RBFOX1: variants seen among roughly 807,000 people sequenced by gnomAD.
The protein encoded by RBFOX1 is RNA binding fox-1 homolog 1.
RBFOX1 carries 8 observed loss-of-function variants against 57.7 expected under a neutral mutation model. The ratio of observed to expected loss-of-function variants is 0.14; its 90% confidence interval spans 0.08 to 0.25. RBFOX1 has a LOEUF of 0.25. Among genes scored for constraint, RBFOX1 ranks in the 10% least tolerant of loss-of-function variants. The probability of loss-of-function intolerance (pLI) is 1.00; values close to 1 mark genes in which losing one functional copy is unlikely to be tolerated. For synonymous variants in RBFOX1, 326 were observed against 222.4 expected (o/e 1.47, Z -4.15); for missense variants, 611 against 548.5 (o/e 1.11, Z -1.14).
chr16:5,579,206 C>G (rs1272194362), intron 2 of RBFOX1, among the ~76,000 whole-genome samples: 1 of 152,102 alleles, frequency 6.6e-6, no homozygotes, highest in Non-Finnish European at 1.5e-5. Context: ...ACCCAACTTG[C>G]ACTTCCACTA....
rs1050272878 is a variant in RBFOX1, at chr16:7,304,545, G to A, written c.28-213602G>A. 3.7e-5 allele frequency: 36 copies of A among 985,332 alleles called. No individual in the cohort carries two copies. The Admixed American group carries it at 6.1e-4, about 17-fold the overall frequency. The allele number at this position is 985,332 out of a possible 1,614,324, so 61.0% of individuals were successfully genotyped here. The stretch of plus-strand genomic sequence containing the variant: ...CTGGGGCTGGGCCAGATGGGTCCCC[G>A]CGCGTACTGGGCTGCGCTTCGGTGC... On this transcript the variant is annotated intron_variant, in intron 4 of 15. Transcript: ENST00000550418.
Position 5,374,238 on chromosome 16 carries a change from C to T in RBFOX1, c.220-92978C>T, listed in dbSNP as rs554823699. Among the ~76,000 whole-genome samples the T allele has an allele frequency of 5.0e-4, 76 of 152,276 alleles. 1 individual carries two copies. The highest frequency in any genetic ancestry group is 1.8e-3 in the African/African-American group (73 of 41,542). ...CAGGCGTGAGCCATTGCACCTGGCT[C>T]GTCAGTTTCAGGTAGTTATTTATAG... On this transcript the variant is annotated intron_variant, in intron 1 of 2. Coordinates refer to the RBFOX1 transcript ENST00000585867.
intron 3 of RBFOX1, among the ~76,000 whole-genome samples, chr16:5,687,660 G>A (rs1374754886): frequency 6.6e-6 from 1 of 152,120 alleles, no homozygotes; most frequent in African/African-American, 2.4e-5. Flanking sequence ...TAGGGTGACC[G>A]ACCATTCCAG....
chr16:5,718,242 C>T (rs1160634513), intron 3 of RBFOX1, among the ~76,000 whole-genome samples: 5 of 152,192 alleles, frequency 3.3e-5, no homozygotes, highest in Non-Finnish European at 4.4e-5. Context: ...AAATCAAGTA[C>T]ATTTATTAAG....
intron 3 of RBFOX1, among the ~76,000 whole-genome samples, chr16:6,719,461 G>T (rs1239585600): frequency 2.7e-5 from 4 of 147,418 alleles, no homozygotes; most frequent in African/African-American, 7.5e-5. Context: ...TTTTTTTTGA[G>T]ACAGAGTCTT....
At chr16:6,305,566 C>G (rs1389955228) in intron 1 of RBFOX1, among the ~76,000 whole-genome samples, 2 of 151,514 alleles carry the variant, frequency 1.3e-5, no homozygotes, top group East Asian at 3.9e-4. Flanking sequence ...ACCTGTGTCT[C>G]AAGGCCCTCT....
At chr16:6,504,450 A>G (rs1476586537) in intron 2 of RBFOX1, among the ~76,000 whole-genome samples, 1 of 152,194 alleles carries the variant, frequency 6.6e-6, no homozygotes, top group African/African-American at 2.4e-5. Context: ...TGCACAGAGT[A>G]CCGGGGTAGT....
intron 4 of RBFOX1, among the ~76,000 whole-genome samples, chr16:7,260,420 C>T (rs1471145097): frequency 1.3e-5 from 2 of 152,130 alleles, no homozygotes; most frequent in Non-Finnish European, 2.9e-5. Context: ...AACCAAAGAT[C>T]ACCCACAAAG....
intron 1 of RBFOX1, among the ~76,000 whole-genome samples, chr16:5,414,008 G>A (rs1291588870): frequency 6.6e-6 from 1 of 152,238 alleles, no homozygotes; most frequent in Admixed American, 6.5e-5. Context: ...CTGGAAAGGT[G>A]TGAGTCATTT....
chr16:6,082,626 G>A (rs1252593571), intron 1 of RBFOX1, among the ~76,000 whole-genome samples: 1 of 151,914 alleles, frequency 6.6e-6, no homozygotes, highest in Non-Finnish European at 1.5e-5. Flanking sequence ...ACATGCCTGT[G>A]CCTAAACCAA....
intron 1 of RBFOX1, among the ~76,000 whole-genome samples, chr16:5,457,369 AGGTGATCCATCTGCCTC>A (rs2068661993): frequency 6.6e-6 from 1 of 152,160 alleles, no homozygotes; most frequent in African/African-American, 2.4e-5. Flanking sequence ...TTCTGACCTC[AGGTGATCCATCTGCCTC>A]GGCCTGTCAA....
intron 2 of RBFOX1, among the ~76,000 whole-genome samples, chr16:6,515,905 G>A (rs889665370): frequency 6.6e-6 from 1 of 151,958 alleles, no homozygotes; most frequent in African/African-American, 2.4e-5. Context: ...AATTTTCCTT[G>A]ACTCTCCTAG....
At chr16:6,858,037 C>A (rs972384736) in intron 3 of RBFOX1, among the ~76,000 whole-genome samples, 1 of 152,202 alleles carries the variant, frequency 6.6e-6, no homozygotes, top group Non-Finnish European at 1.5e-5. Flanking sequence ...CTTCTACTCA[C>A]AAATGTTCAT....
chr16:6,841,324 G>C (rs529187984), intron 3 of RBFOX1, among the ~76,000 whole-genome samples: 3 of 152,258 alleles, frequency 2.0e-5, no homozygotes, highest in African/African-American at 7.2e-5. Flanking sequence ...TGTGGTTTTA[G>C]ACAGCAAACA....
intron 3 of RBFOX1, among the ~76,000 whole-genome samples, chr16:5,836,536 C>G (rs1279127219): frequency 6.6e-6 from 1 of 152,238 alleles, no homozygotes; most frequent in African/African-American, 2.4e-5. Context: ...CTCTGCCCTT[C>G]ACGTCCACTT....
intron 2 of RBFOX1, among the ~76,000 whole-genome samples, chr16:6,469,588 G>A (rs2095128809): frequency 6.6e-6 from 1 of 152,216 alleles, no homozygotes; most frequent in South Asian, 2.1e-4. Context: ...ACAAATGCAT[G>A]TTCACATCTC....
At chr16:6,777,584 G>A (rs1489857561) in intron 3 of RBFOX1, among the ~76,000 whole-genome samples, 1 of 152,074 alleles carries the variant, frequency 6.6e-6, no homozygotes, top group Admixed American at 6.6e-5. Context: ...TCAGATTAGG[G>A]GGGAAAGAAA....
At chr16:7,098,423 G>A (rs1001637986) in intron 4 of RBFOX1, among the ~76,000 whole-genome samples, 1 of 152,150 alleles carries the variant, frequency 6.6e-6, no homozygotes, top group Non-Finnish European at 1.5e-5. Context: ...ACCTGCCTAG[G>A]CCTCCCAAAG....
At chr16:7,265,597 C>T (rs1194370011) in intron 4 of RBFOX1, among the ~76,000 whole-genome samples, 3 of 151,974 alleles carry the variant, frequency 2.0e-5, no homozygotes, top group Non-Finnish European at 4.4e-5. Flanking sequence ...TACAGGCACC[C>T]ACCACCACGC....
Sources: gnomAD v4.1 joint callset for allele counts (sites outside exome capture counted in the v4.1 genomes callset) on GRCh38, gnomAD v4.1.1 for gene constraint, MANE v1.5 for transcripts, NCBI Gene and HGNC (gene_info 2026-07-23, HGNC 2026-07-21) for gene names.